Variants in GLI3 observed in about 807,000 individuals in gnomAD.
GLI3 encodes the protein GLI family zinc finger 3.
Under a neutral mutation model 100.8 loss-of-function variants are expected in GLI3, and 20 were observed. The ratio of observed to expected loss-of-function variants is 0.20; its 90% CI spans 0.14 to 0.29. The LOEUF (loss-of-function observed/expected upper bound fraction) is 0.29. Among genes scored for constraint, GLI3 ranks in the 10% least tolerant of loss-of-function variants. GLI3 has a pLI of 1.00. For synonymous variants in GLI3, 938 were observed against 860.5 expected (o/e 1.09, Z -1.58); for missense variants, 2,040 against 2,128.5 (o/e 0.96, Z 0.82).
At chr7:42,045,844 A>C (rs956780131) in intron 5 of GLI3, among the ~76,000 whole-genome samples, 4 of 152,236 alleles carry the variant, frequency 2.6e-5, no homozygotes, top group Non-Finnish European at 5.9e-5. Flanking sequence ...CCCCAAATAA[A>C]ATCATTTTTA....
At chr7:42,017,530 A>G (rs980129828) in intron 10 of GLI3, among the ~76,000 whole-genome samples, 58 of 151,742 alleles carry the variant, frequency 3.8e-4, no homozygotes, top group Non-Finnish European at 7.2e-4. Flanking sequence ...GGGGAGGGGG[A>G]CTCTGCACAG....
At chr7:42,138,170 T>A (rs981874126) in intron 3 of GLI3, among the ~76,000 whole-genome samples, 6 of 152,126 alleles carry the variant, frequency 3.9e-5, no homozygotes. Flanking sequence ...TGCACAAAGT[T>A]TTTTAATGAA....
intron 10 of GLI3, among the ~76,000 whole-genome samples, chr7:41,994,127 C>T (rs990212992): frequency 1.3e-5 from 2 of 152,140 alleles, no homozygotes; most frequent in East Asian, 1.9e-4. Context: ...GATGCTTTAT[C>T]GTAGGTTTCT....
chr7:41,965,059 G>C lies in GLI3; in HGVS notation c.4014C>G (p.Gly1338=). 1.2e-6 allele frequency: 2 copies of C among 1,613,850 alleles called. No individual in the cohort carries two copies. The highest frequency in any genetic ancestry group is 2.7e-5 in the African/African-American group (2 of 75,058). Residue 1338 remains glycine, a synonymous_variant, in exon 15 of 15, where the codon GGC becomes GGG. Transcript: ENST00000395925. ...GCCCAAGCATCTGCTGACCGGGGCG[G>C]CCTGCCCCCGGGTGCTGCATGCTGT... ...LGDSMQHPGA[G]RPGQQMLGQI...
intron 1 of GLI3, among the ~76,000 whole-genome samples, chr7:42,259,570 G>A (rs913862673): frequency 6.6e-6 from 1 of 152,140 alleles, no homozygotes; most frequent in African/African-American, 2.4e-5. Context: ...ACAATGTATT[G>A]TTTTGTTATT....
chr7:42,036,680 C>A (rs936499660), intron 7 of GLI3, among the ~76,000 whole-genome samples: 3 of 152,186 alleles, frequency 2.0e-5, no homozygotes, highest in Non-Finnish European at 2.9e-5. Flanking sequence ...ATTACTGATG[C>A]ACTGCCAATA....
Position 42,040,243 on chromosome 7 carries a change from T to G in GLI3, c.827-4A>C. 1 of 1,609,916 alleles carries G rather than the reference T, an allele frequency of 6.2e-7. No homozygotes were observed. Among genetic ancestry groups the G allele is most frequent in the Non-Finnish European group, 8.5e-7 (1 of 1,176,288 alleles). On this transcript the variant is annotated splice_polypyrimidine_tract_variant and splice_region_variant and intron_variant, in intron 6 of 14. Coordinates refer to ENST00000395925, the MANE Select transcript of GLI3 (RefSeq NM_000168.6). ...CTGGGGCTGGAGAATCTGGTGCCTGTTATATAAACAAAAAAGAACCTAATT... is the reference window on the plus strand; with the variant it reads ...CTGGGGCTGGAGAATCTGGTGCCTGGTATATAAACAAAAAAGAACCTAATT...
intron 3 of GLI3, chr7:42,113,262 A>C: frequency 9.6e-6 from 5 of 522,020 alleles, no homozygotes; most frequent in Non-Finnish European, 1.8e-5. Flanking sequence ...AGTACGGAGC[A>C]GTGTGAAGAA....
chr7:42,210,226 G>GGCTTTT (rs1788239700), intron 2 of GLI3, among the ~76,000 whole-genome samples: 1 of 151,840 alleles, frequency 6.6e-6, no homozygotes, highest in Non-Finnish European at 1.5e-5. Flanking sequence ...GTAGGAGCTA[G>GGCTTTT]GCTTTCCTAG....
intron 10 of GLI3, among the ~76,000 whole-genome samples, chr7:42,010,813 T>C (rs528846151): frequency 1.3e-5 from 2 of 152,354 alleles, no homozygotes; most frequent in East Asian, 3.9e-4. Flanking sequence ...AACCACTCAC[T>C]AATGAGTTTA....
At chr7:42,046,068 C>T (rs1784238501) in intron 5 of GLI3, among the ~76,000 whole-genome samples, 1 of 152,184 alleles carries the variant, frequency 6.6e-6, no homozygotes, top group South Asian at 2.1e-4. Context: ...ATTTTACATT[C>T]CATAATTTAA....
intron 14 of GLI3, among the ~76,000 whole-genome samples, chr7:41,967,327 T>A (rs1370305505): frequency 6.6e-6 from 1 of 152,174 alleles, no homozygotes; most frequent in Non-Finnish European, 1.5e-5. Flanking sequence ...CTGCTGGCAT[T>A]CCCTTACCCT....
intron 2 of GLI3, among the ~76,000 whole-genome samples, chr7:42,192,448 A>T (rs1787845703): frequency 6.6e-6 from 1 of 152,162 alleles, no homozygotes; most frequent in Admixed American, 6.5e-5. Context: ...AACCTGAGAC[A>T]AGGTATAGAT....
At chr7:42,053,257 A>G (rs1784388390) in intron 4 of GLI3, among the ~76,000 whole-genome samples, 1 of 152,172 alleles carries the variant, frequency 6.6e-6, no homozygotes, top group Non-Finnish European at 1.5e-5. Context: ...TCGGCCTCCC[A>G]AAGTGCTGGG....
At chr7:42,159,678 T>C (rs1299160220) in intron 2 of GLI3, among the ~76,000 whole-genome samples, 1 of 152,122 alleles carries the variant, frequency 6.6e-6, no homozygotes, top group African/African-American at 2.4e-5. Flanking sequence ...GGGTATGCAA[T>C]AAAAATACAG....
At chr7:42,118,960 T>C (rs771772680) in intron 3 of GLI3, among the ~76,000 whole-genome samples, 1 of 152,192 alleles carries the variant, frequency 6.6e-6, no homozygotes, top group Non-Finnish European at 1.5e-5. Flanking sequence ...GGTGACCCTT[T>C]CACAGTTCAG....
chr7:42,187,654 G>C (rs1309525974), intron 2 of GLI3, among the ~76,000 whole-genome samples: 1 of 152,160 alleles, frequency 6.6e-6, no homozygotes, highest in Non-Finnish European at 1.5e-5. Context: ...TAATTTGTAA[G>C]ATGAGGTTAT....
At chr7:42,197,219 T>C (rs1787944729) in intron 2 of GLI3, among the ~76,000 whole-genome samples, 1 of 152,092 alleles carries the variant, frequency 6.6e-6, no homozygotes, top group Non-Finnish European at 1.5e-5. Flanking sequence ...CCTAGAAAAA[T>C]CAAGTCTTCA....
At chr7:42,020,134 G>T (rs1017050120) in intron 10 of GLI3, among the ~76,000 whole-genome samples, 1 of 152,228 alleles carries the variant, frequency 6.6e-6, no homozygotes, top group Non-Finnish European at 1.5e-5. Flanking sequence ...TAGCCCATCT[G>T]TTCAGATAGT....
Sources: allele counts gnomAD v4.1 joint callset (sites outside exome capture counted in the v4.1 genomes callset), GRCh38; gene constraint gnomAD v4.1.1; transcripts MANE v1.5; gene names NCBI Gene and HGNC (gene_info 2026-07-23, HGNC 2026-07-21).